PARK7: variants seen among roughly 807,000 people sequenced by gnomAD.
PARK7 encodes the protein Parkinson disease protein 7.
A neutral mutation model predicts 20.5 loss-of-function variants in PARK7; 14 were observed. The ratio of observed to expected loss-of-function variants is 0.68; its 90% CI spans 0.45 to 1.07. The LOEUF is 1.07. Ranked by LOEUF, PARK7 falls within the 50% of genes least tolerant of loss-of-function variation. The pLI is 0.00. For missense variants in PARK7, 234 were observed against 238.1 expected, an observed-to-expected ratio of 0.98 and a Z score of 0.11; for synonymous variants, 98 against 84.3, an observed-to-expected ratio of 1.16 and a Z score of -0.89.
Position 7,962,872 on chromosome 1 carries a change from TG to T in PARK7, c.90+1del. The T allele has an allele frequency of 6.2e-7, 1 of 1,612,728 alleles. No individual in the cohort carries two copies. ...VIPVDVMRRAGIKVTVAGLAG... is the reference protein window; with the variant it reads ...VIPVDVMRRAXIKVTVAGLAG... ...TCCCTGTAGATGTCATGAGGCGAGC[TG>T]GGGTAAGTCCCACATCGATTTTTAG... On this transcript the variant is annotated frameshift_variant and splice_region_variant, in exon 2 of 7. Coordinates refer to ENST00000338639, the MANE Select transcript of PARK7 (RefSeq NM_007262.5). LOFTEE classifies it high-confidence loss of function.
chr1:7,973,045 C>A (rs1342159087), intron 5 of PARK7, among the ~76,000 whole-genome samples: 1 of 151,906 alleles, frequency 6.6e-6, no homozygotes, highest in Non-Finnish European at 1.5e-5. Flanking sequence ...GCAAGACTGT[C>A]TCAAAAAAAA....
chr1:7,971,963 T>C (rs1640475121), intron 5 of PARK7: 1 of 151,982 alleles, frequency 6.6e-6, no homozygotes, highest in Non-Finnish European at 1.5e-5. Context: ...ATAAAATAAA[T>C]ATTTGTCAGA....
chr1:7,968,482 T>C (rs1640377373), intron 3 of PARK7, among the ~76,000 whole-genome samples: 1 of 152,014 alleles, frequency 6.6e-6, no homozygotes, highest in African/African-American at 2.4e-5. Flanking sequence ...AAGAAAAATT[T>C]TTTGTGCCTT....
In PARK7 at chr1:7,965,436, C is replaced by A; in HGVS notation, c.192+11C>A. On this transcript the variant is annotated intron_variant, in intron 3 of 6. Transcript: ENST00000338639. ...GATGCAAAAAAAGAGGTTTGTAATC[C>A]ATACATGGAGTTATTCCTTCATATG... 6.2e-7 allele frequency: 1 copy of A among 1,608,610 alleles called. No homozygotes were observed. Among genetic ancestry groups the A allele is most frequent in the Non-Finnish European group, 8.5e-7 (1 of 1,175,024 alleles).
rs1405009733 is a variant in PARK7, at chr1:7,984,594, T to C, written c.410-300T>C. On this transcript the variant is annotated intron_variant, in intron 6 of 6. Transcript: ENST00000338639. This position sits in a 1 kb window ranked among gnomAD's most constrained non-coding sequence, Gnocchi z 4.3. ...GACACTTGAGCTTTGTTGTAAATAG[T>C]GATGTGAGTAACTGTCATTCACCGA... 6.6e-6 allele frequency among the ~76,000 whole-genome samples: 1 copy of C among 152,198 alleles called. No individual in the cohort carries two copies. Among genetic ancestry groups the C allele is most frequent in the Non-Finnish European group, 1.5e-5 (1 of 68,028 alleles).
intron 3 of PARK7, 41 bp downstream of exon 3, chr1:7,965,466 C>T: frequency 6.5e-7 from 1 of 1,543,090 alleles, no homozygotes. Context: ...CATATGGCTT[C>T]TTTGTTTCTT....
In PARK7 at chr1:7,969,447, G is replaced by A. The variant is rs959222893; in HGVS notation, c.252+43G>A. On this transcript the variant is annotated intron_variant, in intron 4 of 6. Coordinates refer to ENST00000338639, the MANE Select transcript of PARK7 (RefSeq NM_007262.5). ...ATTATACCTCAATAAAGCTGGGGGG[G>A]GGGAAAAACTAAAGAATTTCAGCAT... The A allele has an allele frequency of 6.8e-6, 6 of 881,992 alleles. 1 individual carries two copies. The highest frequency in any genetic ancestry group is 1.4e-5 in the South Asian group (1 of 73,768). 54.6% of individuals were successfully genotyped at this position (881,992 alleles called of 1,614,324 possible).
intron 3 of PARK7, 188 bp from the exon 4 acceptor site, chr1:7,969,157 C>G (rs1640396659): frequency 1.8e-6 from 1 of 566,604 alleles, no homozygotes. Context: ...AGGTTTTCTG[C>G]ATTTTTTGCT....
At chr1:7,978,641 G>C (rs1640639933) in intron 6 of PARK7, among the ~76,000 whole-genome samples, 1 of 148,462 alleles carries the variant, frequency 6.7e-6, no homozygotes, top group African/African-American at 2.5e-5. Context: ...CCCCGAGTTC[G>C]AGACCAGCCT....
In PARK7 at chr1:7,984,019, C is replaced by T. The variant is rs1557452685; in HGVS notation, c.410-875C>T. On this transcript the variant is annotated intron_variant, in intron 6 of 6. Transcript: ENST00000338639. This position sits in a 1 kb window ranked among gnomAD's most constrained non-coding sequence, Gnocchi z 4.3. Reference sequence around the variant, plus strand: ...TGCGGTGATAGAGTCAATAGAGGTACCTAATTTGGGGAGGTGGGGGTGGTC... The same window carrying T: ...TGCGGTGATAGAGTCAATAGAGGTATCTAATTTGGGGAGGTGGGGGTGGTC... Among the ~76,000 whole-genome samples, 2 of 152,050 alleles carry T rather than the reference C, an allele frequency of 1.3e-5. No homozygotes were observed.
At chr1:7,967,745 C>G (rs768846335) in intron 3 of PARK7, among the ~76,000 whole-genome samples, 1 of 151,840 alleles carries the variant, frequency 6.6e-6, no homozygotes, top group Non-Finnish European at 1.5e-5. Context: ...TGAAGCGAGA[C>G]CCTGTCTCTA....
chr1:7,967,901 C>T (rs1216108546), intron 3 of PARK7, among the ~76,000 whole-genome samples: 1 of 152,182 alleles, frequency 6.6e-6, no homozygotes, highest in Non-Finnish European at 1.5e-5. Context: ...GCCTGGGTGA[C>T]AGAGGTGAGG....
intron 6 of PARK7, 121 bp downstream of exon 6, chr1:7,977,859 A>G (rs1640618812): frequency 8.7e-6 from 7 of 801,062 alleles, no homozygotes; most frequent in Non-Finnish European, 1.3e-5. Context: ...TCCCGGGTTC[A>G]AGCGATTCTT....
At chr1:7,982,807 T>C (rs1640739113) in intron 6 of PARK7, 1 of 152,266 alleles carries the variant, frequency 6.6e-6, no homozygotes, top group African/African-American at 2.4e-5. Context: ...TCTTTTTCTC[T>C]ACAATAGTTA....
intron 5 of PARK7, among the ~76,000 whole-genome samples, chr1:7,976,570 C>T (rs1163217439): frequency 6.6e-6 from 1 of 152,196 alleles, no homozygotes; most frequent in Non-Finnish European, 1.5e-5. Flanking sequence ...TAGCTTTCAT[C>T]ACGTGATGCT....
intron 3 of PARK7, among the ~76,000 whole-genome samples, chr1:7,966,421 A>T (rs1640331014): frequency 6.6e-6 from 1 of 151,960 alleles, no homozygotes; most frequent in Non-Finnish European, 1.5e-5. Flanking sequence ...TTCCAGGCCA[A>T]GTGCAGTGGC....
At chr1:7,980,415 A>G in intron 6 of PARK7, among the ~76,000 whole-genome samples, 1 of 152,122 alleles carries the variant, frequency 6.6e-6, no homozygotes. Context: ...TTGGTCAGGC[A>G]TAGAAAAAGA....
At chr1:7,972,331 A>T (rs546392170) in intron 5 of PARK7, among the ~76,000 whole-genome samples, 1 of 152,168 alleles carries the variant, frequency 6.6e-6, no homozygotes, top group South Asian at 2.1e-4. Context: ...AGCCAAGCAC[A>T]GTACTGCATG....
intron 3 of PARK7, among the ~76,000 whole-genome samples, chr1:7,966,785 A>G (rs1214814789): frequency 6.6e-6 from 1 of 152,184 alleles, no homozygotes; most frequent in Non-Finnish European, 1.5e-5. Context: ...GCATTTTAAA[A>G]CAGTGGTTAC....
Sources: allele counts gnomAD v4.1 joint callset (sites outside exome capture counted in the v4.1 genomes callset), GRCh38; gene constraint gnomAD v4.1.1; non-coding constraint Gnocchi (gnomAD v3.1); transcripts MANE v1.5; gene names NCBI Gene and HGNC (gene_info 2026-07-23, HGNC 2026-07-21).